The following DLGAP2 variants were observed in gnomAD, a reference collection of about 807,000 sequenced individuals.
DLGAP2 encodes the protein disks large-associated protein 2.
Under a neutral mutation model 100.3 loss-of-function variants are expected in DLGAP2, and 26 were observed. That is an observed-to-expected ratio of 0.26 (90% CI 0.19 to 0.36). The LOEUF is 0.36. DLGAP2 is among the 10% of genes least tolerant of loss of function. The pLI, the probability that DLGAP2 is intolerant of heterozygous loss-of-function variation, is 1.00. For synonymous variants in DLGAP2, 886 were observed against 630.1 expected, an observed-to-expected ratio of 1.41 and a Z score of -6.08; for missense variants, 1,858 against 1,453.2, an observed-to-expected ratio of 1.28 and a Z score of -4.53.
intron 1 of DLGAP2, among the ~76,000 whole-genome samples, chr8:775,992 G>A (rs1404598316): frequency 4.8e-5 from 7 of 147,030 alleles, no homozygotes; most frequent in African/African-American, 1.7e-4. Context: ...GACTCTTTTT[G>A]GTTGGTAAGC....
intron 2 of DLGAP2, among the ~76,000 whole-genome samples, chr8:966,042 A>G (rs1440443143): frequency 2.0e-5 from 3 of 152,160 alleles, no homozygotes. Flanking sequence ...TCTCCCAAGG[A>G]CAAGCGCCAT....
chr8:1,127,469 C>G (rs149014664), intron 2 of DLGAP2, among the ~76,000 whole-genome samples: 13 of 152,254 alleles, frequency 8.5e-5, no homozygotes, highest in Non-Finnish European at 1.6e-4. Context: ...CACGTTAGAG[C>G]CTCGCGTTGC....
intron 1 of DLGAP2, among the ~76,000 whole-genome samples, chr8:836,097 G>T (rs1796869650): frequency 6.6e-6 from 1 of 152,178 alleles, no homozygotes; most frequent in Non-Finnish European, 1.5e-5. Context: ...CAGCGGCGGC[G>T]CAACAGCTGT....
chr8:1,479,639 T>C (rs1799034197), intron 3 of DLGAP2, among the ~76,000 whole-genome samples: 1 of 152,162 alleles, frequency 6.6e-6, no homozygotes, highest in African/African-American at 2.4e-5. Context: ...TTCATTTCGG[T>C]GAGTCATTCA....
chr8:1,294,769 T>G (rs1800132376), intron 3 of DLGAP2, among the ~76,000 whole-genome samples: 1 of 151,900 alleles, frequency 6.6e-6, no homozygotes, highest in African/African-American at 2.4e-5. Flanking sequence ...TTTGGGAGGC[T>G]GAGACAGTAG....
At chr8:1,392,398 C>CG (rs1278170885) in intron 3 of DLGAP2, among the ~76,000 whole-genome samples, 1 of 152,166 alleles carries the variant, frequency 6.6e-6, no homozygotes, top group Non-Finnish European at 1.5e-5. Context: ...TCGCGGCACT[C>CG]GGGGAAAACC....
At chr8:1,493,058 A>G (rs1203833667) in intron 3 of DLGAP2, among the ~76,000 whole-genome samples, 1 of 152,232 alleles carries the variant, frequency 6.6e-6, no homozygotes, top group East Asian at 1.9e-4. Flanking sequence ...ACAGAGATTC[A>G]GCCTCAAGGG....
intron 3 of DLGAP2, among the ~76,000 whole-genome samples, chr8:1,356,341 A>G (rs1175554691): frequency 6.6e-6 from 1 of 152,234 alleles, no homozygotes; most frequent in Non-Finnish European, 1.5e-5. Context: ...CAGGCAGTAA[A>G]ACAAATCCTC....
intron 2 of DLGAP2, among the ~76,000 whole-genome samples, chr8:1,171,362 G>T (rs775560386): frequency 6.6e-6 from 1 of 152,186 alleles, no homozygotes; most frequent in Non-Finnish European, 1.5e-5. Flanking sequence ...ATATTCTGTT[G>T]ATTTGGGGTG....
chr8:1,540,632 G>A (rs997733951), intron 4 of DLGAP2, among the ~76,000 whole-genome samples: 1 of 152,222 alleles, frequency 6.6e-6, no homozygotes, highest in Non-Finnish European at 1.5e-5. Flanking sequence ...CTGCCTTGCA[G>A]ACCACTCCAG....
chr8:1,363,137 G>A (rs1355602154), intron 3 of DLGAP2, among the ~76,000 whole-genome samples: 4 of 152,196 alleles, frequency 2.6e-5, no homozygotes, highest in African/African-American at 9.6e-5. Context: ...TACCATGTGG[G>A]CCACACAAAA....
chr8:1,093,897 T>G (rs1185322380), intron 2 of DLGAP2, among the ~76,000 whole-genome samples: 1 of 152,178 alleles, frequency 6.6e-6, no homozygotes, highest in East Asian at 1.9e-4. Context: ...CCGAGGGGTC[T>G]GTCTGCATCT....
intron 4 of DLGAP2, among the ~76,000 whole-genome samples, chr8:1,543,539 G>A (rs570912563): frequency 6.6e-6 from 1 of 152,330 alleles, no homozygotes; most frequent in South Asian, 2.1e-4. Context: ...ATGGGTCCAT[G>A]TGTGCATCCT....
chr8:1,626,597 T>A, intron 6 of DLGAP2, 143 bp from the exon 7 acceptor site: 1 of 1,016,300 alleles, frequency 9.8e-7, no homozygotes, highest in Non-Finnish European at 1.4e-6. Flanking sequence ...GTGCTCAGCC[T>A]CTGGGTGTGG....
intron 2 of DLGAP2, among the ~76,000 whole-genome samples, chr8:1,010,960 AGGGGCCTCAGTCTGCATGGTGAGCCCCG>A (rs1358719704): frequency 7.0e-6 from 1 of 143,058 alleles, no homozygotes; most frequent in African/African-American, 2.9e-5. Context: ...ACCCCGGGCG[AGGGGCCTCAGTCTGCATGGTGAGCCCCG>A]GGCGAGGGGC....
chr8:1,683,999 T>A (rs1436586128), intron 12 of DLGAP2, among the ~76,000 whole-genome samples: 2 of 132,876 alleles, frequency 1.5e-5, no homozygotes, highest in East Asian at 2.3e-4. Flanking sequence ...CTTTTTTTTT[T>A]AAGACGAAGT....
At chr8:1,320,069 G>T (rs1800860205) in intron 3 of DLGAP2, among the ~76,000 whole-genome samples, 1 of 152,118 alleles carries the variant, frequency 6.6e-6, no homozygotes, top group Non-Finnish European at 1.5e-5. Context: ...AGGAACTCGG[G>T]AGTGGTTGGG....
chr8:1,640,975 A>T (rs1171346266), intron 8 of DLGAP2, among the ~76,000 whole-genome samples: 1 of 152,202 alleles, frequency 6.6e-6, no homozygotes, highest in Non-Finnish European at 1.5e-5. Context: ...GGTAGGGAGA[A>T]GCCGTGGCAG....
intron 2 of DLGAP2, among the ~76,000 whole-genome samples, chr8:913,834 G>A (rs562202816): frequency 1.4e-4 from 21 of 152,338 alleles, no homozygotes; most frequent in Non-Finnish European, 2.5e-4. Context: ...GGTCTCATAT[G>A]AGGCAGAACA....
Sources: allele counts gnomAD v4.1 joint callset (sites outside exome capture counted in the v4.1 genomes callset), GRCh38; gene constraint gnomAD v4.1.1; transcripts MANE v1.5; gene names NCBI Gene and HGNC (gene_info 2026-07-23, HGNC 2026-07-21).